Variants in SLC35D4 observed in about 807,000 individuals in gnomAD.
The protein encoded by SLC35D4 is solute carrier family 35 member D4, also known as UDP-N-acetylglucosamine transporter SLC35D4.
the SLC35D4 span, among the ~76,000 whole-genome samples, chr18:23,422,481 C>T: frequency 6.6e-6 from 1 of 152,124 alleles, no homozygotes; most frequent in Non-Finnish European, 1.5e-5. Context: ...GCATTCAAAT[C>T]TGAAGTCTTC....
the SLC35D4 span, among the ~76,000 whole-genome samples, chr18:23,320,561 T>G: frequency 6.6e-6 from 1 of 152,212 alleles, no homozygotes; most frequent in Non-Finnish European, 1.5e-5. Flanking sequence ...ATGCTGGACA[T>G]AGGTATAGAA....
the SLC35D4 span, among the ~76,000 whole-genome samples, chr18:23,339,585 A>T: frequency 2.6e-5 from 4 of 152,218 alleles, no homozygotes; most frequent in Non-Finnish European, 4.4e-5. Context: ...TACAGATGAA[A>T]CAATGGAGGA....
At chr18:23,332,428 G>A in the SLC35D4 span, among the ~76,000 whole-genome samples, 1 of 91,504 alleles carries the variant, frequency 1.1e-5, no homozygotes, top group Non-Finnish European at 2.1e-5. Context: ...TTATGTAGAT[G>A]TTGTTTAGCT....
chr18:23,418,993 G>A, the SLC35D4 span, among the ~76,000 whole-genome samples: 1 of 151,672 alleles, frequency 6.6e-6, no homozygotes, highest in Admixed American at 6.6e-5. Context: ...GGGTGACAGA[G>A]CGAGACTCTG....
At chr18:23,281,098 G>A in the SLC35D4 span, among the ~76,000 whole-genome samples, 1 of 152,138 alleles carries the variant, frequency 6.6e-6, no homozygotes, top group Non-Finnish European at 1.5e-5. Flanking sequence ...GACAGAAAGT[G>A]GATTTGTGGC....
chr18:23,315,190 T>C, the SLC35D4 span, among the ~76,000 whole-genome samples: 26 of 152,220 alleles, frequency 1.7e-4, no homozygotes, highest in African/African-American at 5.3e-4. Flanking sequence ...GTTACAGCCA[T>C]GTACCTCCCT....
the SLC35D4 span, among the ~76,000 whole-genome samples, chr18:23,281,408 G>A: frequency 3.3e-5 from 5 of 152,048 alleles, no homozygotes; most frequent in African/African-American, 1.2e-4. Context: ...CTGCAGCCTT[G>A]ACCTCCTGGA....
At chr18:23,421,232 ACT>A in the SLC35D4 span, 3 of 739,332 alleles carry the variant, frequency 4.1e-6, no homozygotes, top group Non-Finnish European at 6.4e-6. Flanking sequence ...AGACAGTGAG[ACT>A]CTGTCTCAAA....
chr18:23,322,457 T>C, the SLC35D4 span, among the ~76,000 whole-genome samples: 1 of 152,188 alleles, frequency 6.6e-6, no homozygotes, highest in Non-Finnish European at 1.5e-5. Context: ...TTCAGAAACA[T>C]GTGGGCCTTT....
chr18:23,371,935 G>GTTTTTTTTGTTT, the SLC35D4 span, among the ~76,000 whole-genome samples: 42 of 35,460 alleles, frequency 1.2e-3, 2 homozygotes, highest in Admixed American at 5.2e-3. Flanking sequence ...TGTTTTTTTT[G>GTTTTTTTTGTTT]TTTTTTTTTT....
the SLC35D4 span, among the ~76,000 whole-genome samples, chr18:23,240,938 CTTGT>C: frequency 2.0e-5 from 3 of 152,340 alleles, no homozygotes; most frequent in East Asian, 3.9e-4. Context: ...ATCAGATGCA[CTTGT>C]TTGTTTGAAG....
At chr18:23,418,831 C>A in the SLC35D4 span, among the ~76,000 whole-genome samples, 1 of 151,716 alleles carries the variant, frequency 6.6e-6, no homozygotes, top group South Asian at 2.1e-4. Flanking sequence ...CGTGGTTAAA[C>A]CCCGTCTCTA....
At chr18:23,362,610 C>CAAAAAA in the SLC35D4 span, among the ~76,000 whole-genome samples, 1 of 151,864 alleles carries the variant, frequency 6.6e-6, no homozygotes, top group East Asian at 1.9e-4. Context: ...AACAAACAAA[C>CAAAAAA]AAACAAAAAA....
At chr18:23,437,130 G>A in the SLC35D4 span, among the ~76,000 whole-genome samples, 1 of 152,178 alleles carries the variant, frequency 6.6e-6, no homozygotes, top group South Asian at 2.1e-4. Context: ...CCTAAAGCCA[G>A]CTTCCCTCTC....
At chr18:23,391,680 ATC>A in the SLC35D4 span, among the ~76,000 whole-genome samples, 7 of 152,004 alleles carry the variant, frequency 4.6e-5, no homozygotes, top group African/African-American at 7.2e-5. Context: ...TAGAGATGAG[ATC>A]TGGCTATGTT....
the SLC35D4 span, among the ~76,000 whole-genome samples, chr18:23,288,376 C>T: frequency 6.6e-6 from 1 of 152,216 alleles, no homozygotes; most frequent in Admixed American, 6.5e-5. Flanking sequence ...AAGGAAATAA[C>T]TTCTCAGTGT....
chr18:23,349,870 C>G, the SLC35D4 span, among the ~76,000 whole-genome samples: 1 of 152,146 alleles, frequency 6.6e-6, no homozygotes, highest in African/African-American at 2.4e-5. Flanking sequence ...TATCTCTTTA[C>G]TGAGATTCTG....
At chr18:23,275,550 C>T in the SLC35D4 span, among the ~76,000 whole-genome samples, 1 of 151,926 alleles carries the variant, frequency 6.6e-6, no homozygotes, top group Non-Finnish European at 1.5e-5. Flanking sequence ...GTAAATGGAG[C>T]GGGACAGGTC....
the SLC35D4 span, among the ~76,000 whole-genome samples, chr18:23,409,413 C>T: frequency 7.9e-5 from 12 of 152,196 alleles, no homozygotes; most frequent in Admixed American, 3.9e-4. Flanking sequence ...TGAATACCAG[C>T]CCTACTGCTG....
Sources: gnomAD v4.1 joint callset for allele counts (sites outside exome capture counted in the v4.1 genomes callset) on GRCh38, gnomAD v4.1.1 for gene constraint, MANE v1.5 for transcripts, NCBI Gene and HGNC (gene_info 2026-07-23, HGNC 2026-07-21) for gene names.